Variants in ISM1 observed in about 807,000 individuals in gnomAD.
ISM1 encodes the protein isthmin 1.
ISM1 carries 25 observed loss-of-function variants against 46.3 expected under a neutral mutation model. That is an observed-to-expected ratio of 0.54 (90% CI 0.39 to 0.75). ISM1 has a LOEUF of 0.75. Ranked by LOEUF, ISM1 falls within the 30% of genes least tolerant of loss-of-function variation. The pLI, the probability that ISM1 is intolerant of heterozygous loss-of-function variation, is 0.00. For synonymous variants in ISM1, 255 were observed against 256.7 expected, an observed-to-expected ratio of 0.99 and a Z score of 0.06; for missense variants, 536 against 625.4, an observed-to-expected ratio of 0.86 and a Z score of 1.52.
chr20:13,294,763 C>T lies in ISM1; in HGVS notation c.877+2300C>T, dbSNP rs562024082. ...CCTATCCCAGCTGGCAGCACCTCGA[C>T]ACTCTTGGGTGCACCCTCTAGGTTC... On this transcript the variant is annotated intron_variant, in intron 5 of 5. Coordinates refer to ENST00000262487, the MANE Select transcript of ISM1 (RefSeq NM_080826.2). Among the ~76,000 whole-genome samples the T allele has an allele frequency of 2.6e-5, 4 of 152,340 alleles. No individual in the cohort carries two copies. In the South Asian group the frequency reaches 8.3e-4, roughly 32 times the overall value.
intron 1 of ISM1, among the ~76,000 whole-genome samples, chr20:13,255,005 G>A (rs532171420): frequency 2.0e-5 from 3 of 152,192 alleles, no homozygotes; most frequent in Admixed American, 1.3e-4. Flanking sequence ...GAACAGACAC[G>A]GTCCCTGCCT....
intron 1 of ISM1, among the ~76,000 whole-genome samples, chr20:13,222,676 C>A (rs988318516): frequency 6.6e-6 from 1 of 152,184 alleles, no homozygotes; most frequent in Non-Finnish European, 1.5e-5. Flanking sequence ...AACTTCAGGG[C>A]AAGGAGAGGG....
chr20:13,262,930 A>G (rs531120396), intron 1 of ISM1, among the ~76,000 whole-genome samples: 2 of 152,294 alleles, frequency 1.3e-5, no homozygotes, highest in Admixed American at 6.5e-5. Flanking sequence ...TTCTGCCGCC[A>G]TAACTAGGGA....
chr20:13,306,241 C>A, the ISM1 span, among the ~76,000 whole-genome samples: 1 of 152,008 alleles, frequency 6.6e-6, no homozygotes, highest in Non-Finnish European at 1.5e-5. Context: ...AAATTTCAAG[C>A]CTGACTTTTA....
At chr20:13,256,647 G>A (rs1438505117) in intron 1 of ISM1, among the ~76,000 whole-genome samples, 1 of 152,184 alleles carries the variant, frequency 6.6e-6, no homozygotes, top group Non-Finnish European at 1.5e-5. Flanking sequence ...CAATGGTGGT[G>A]TTGGTCCTTT....
At chr20:13,227,100 T>C (rs1470873097) in intron 1 of ISM1, among the ~76,000 whole-genome samples, 1 of 152,250 alleles carries the variant, frequency 6.6e-6, no homozygotes, top group Non-Finnish European at 1.5e-5. Context: ...TTGTGTCATA[T>C]TAATATTGCA....
chr20:13,321,169 T>G, the ISM1 span, among the ~76,000 whole-genome samples: 17,150 of 145,402 alleles, frequency 0.12, 1,170 homozygotes, highest in Admixed American at 0.19. Flanking sequence ...GCCACTACAC[T>G]GCAGCCTAGG....
chr20:13,268,288 TCTTCTCTTC>T, intron 1 of ISM1, among the ~76,000 whole-genome samples: 1 of 151,746 alleles, frequency 6.6e-6, no homozygotes, highest in African/African-American at 2.4e-5. Flanking sequence ...TCTCTTTCTT[TCTTCTCTTC>T]CTTCTCTTCT....
At position 13,299,415 on chromosome 20, in the gene ISM1, G is replaced by A. The variant is rs1230291954; in HGVS notation, c.1351G>A (p.Asp451Asn). ...NGQKCTESPS[D>N]EDYIKQFQEA... ...ACAGAAGTGCACAGAGAGCCCCTCG[G>A]ACGAGGACTACATCAAGCAGTTCCA... Residue 451 changes from aspartate to asparagine, a missense_variant, in exon 6 of 6, where the codon GAC (aspartate) becomes AAC (asparagine). Around this residue, in one of 2 missense-constraint regions of ISM1, gnomAD observed 169 missense variants for 249.3 expected, o/e 0.68. Coordinates refer to ENST00000262487, the MANE Select transcript of ISM1 (RefSeq NM_080826.2). This position sits in a 1 kb window ranked among gnomAD's most constrained non-coding sequence, Gnocchi z 5.8. The A allele has an allele frequency of 6.2e-7, 1 of 1,610,772 alleles. No homozygotes were observed. The highest frequency in any genetic ancestry group is 8.5e-7 in the Non-Finnish European group (1 of 1,179,750).
rs1228006514 is a variant in ISM1 at position 13,223,957 on chromosome 20, AC to A, written c.138+2044del. Among the ~76,000 whole-genome samples, 9 of 152,076 alleles carry A rather than the reference AC, an allele frequency of 5.9e-5. 1 individual carries two copies. ...CCCGGGGTTGGCCTTTTCCGCTTGA[AC>A]AGTAAGGTAATGAGAGAAGCAGCTG... On this transcript the variant is annotated intron_variant, in intron 1 of 5. Transcript: ENST00000262487.
Position 13,221,909 on chromosome 20 carries a change from C to T in ISM1, c.133C>T (p.Leu45=). 1 of 1,356,938 alleles carries T rather than the reference C, an allele frequency of 7.4e-7. No homozygotes were observed. Among genetic ancestry groups the T allele is most frequent in the Non-Finnish European group, 9.4e-7 (1 of 1,062,636 alleles). The allele number at this position is 1,356,938 out of a possible 1,614,324, so 84.1% of individuals were successfully genotyped here. A position where few individuals can be genotyped will look rare whatever the true frequency, so the allele number is the denominator to read the frequency against. The part of the protein sequence containing the change: ...AAAGNASQAQ[L]QNNLNVGSDT... Reference sequence around the variant, plus strand: ...CGCGGGCAACGCCAGCCAAGCCCAGCTGCAGGTGAGTGCGCCGCCGGAGAG... The same window carrying T: ...CGCGGGCAACGCCAGCCAAGCCCAGTTGCAGGTGAGTGCGCCGCCGGAGAG... The change falls in exon 1 of 6, where the codon CTG becomes TTG. Residue 45 remains leucine, a synonymous_variant. Coordinates refer to ENST00000262487, the MANE Select transcript of ISM1 (RefSeq NM_080826.2).
In ISM1 at chr20:13,263,169, T is replaced by C. The variant is rs764358745; in HGVS notation, c.139-7335T>C. Among the ~76,000 whole-genome samples, 5 of 152,176 alleles carry C rather than the reference T, an allele frequency of 3.3e-5. 1 individual carries two copies. Among genetic ancestry groups the C allele is most frequent in the Admixed American group, 1.3e-4 (2 of 15,274 alleles). On this transcript the variant is annotated intron_variant, in intron 1 of 5. Transcript: ENST00000262487. ...TTGCTATAAAATACGGCCATTGACA[T>C]TTGCTCTGTTCCTGCTGCCTGAAGG...
In ISM1 at chr20:13,298,980, G is replaced by A. The variant is rs543537716; in HGVS notation, c.916G>A (p.Glu306Lys). 15 of 1,613,558 alleles carry A rather than the reference G, an allele frequency of 9.3e-6. No individual in the cohort carries two copies. The highest frequency in any genetic ancestry group is 5.3e-5 in the African/African-American group (4 of 75,034). ...SCERWMSCKS[E>K]FLKKYMHKVM... ...TGAGCGCTGGATGAGCTGCAAAAGCGAGTTCTTAAAGAAGTACATGCACAA... is the reference window on the plus strand; with the variant it reads ...TGAGCGCTGGATGAGCTGCAAAAGCAAGTTCTTAAAGAAGTACATGCACAA... Residue 306 changes from glutamate to lysine, a missense_variant, in exon 6 of 6, where the codon GAG (glutamate) becomes AAG (lysine). Glu to Lys is a moderately conservative substitution (Grantham distance 56). Coordinates refer to ENST00000262487, the MANE Select transcript of ISM1 (RefSeq NM_080826.2).
rs943428430 is a variant in ISM1 at position 13,290,580 on chromosome 20, C to T, written c.788-1794C>T. Among the ~76,000 whole-genome samples, 8 of 152,122 alleles carry T rather than the reference C, an allele frequency of 5.3e-5. 1 individual carries two copies. In the East Asian group the frequency reaches 1.4e-3, roughly 26 times the overall value. ...AGGAGAATGGCAGGAACCCGGGAGG[C>T]GGAGCTTGCAGTGAGCCAAGTGAGC... is the stretch of plus-strand genomic sequence containing the variant. On this transcript the variant is annotated intron_variant, in intron 4 of 5. Transcript: ENST00000262487.
chr20:13,253,894 T>TAAAC (rs2039896488), intron 1 of ISM1, among the ~76,000 whole-genome samples: 2 of 151,726 alleles, frequency 1.3e-5, no homozygotes, highest in Non-Finnish European at 2.9e-5. Flanking sequence ...TGTGTATGTT[T>TAAAC]ATACACACAC....
At chr20:13,263,868 A>G (rs1398978033) in intron 1 of ISM1, among the ~76,000 whole-genome samples, 1 of 152,258 alleles carries the variant, frequency 6.6e-6, no homozygotes, top group African/African-American at 2.4e-5. Context: ...AGTGACATTA[A>G]TTATAATCTC....
the ISM1 span, among the ~76,000 whole-genome samples, chr20:13,321,907 C>T: frequency 6.6e-6 from 1 of 152,114 alleles, no homozygotes; most frequent in Non-Finnish European, 1.5e-5. Context: ...GCTATGTGAC[C>T]TTGAGCAAGG....
intron 2 of ISM1, among the ~76,000 whole-genome samples, chr20:13,279,113 C>T (rs534241856): frequency 4.1e-4 from 63 of 152,296 alleles, no homozygotes; most frequent in African/African-American, 1.4e-3. Flanking sequence ...CACAAAAACA[C>T]AGATGGGAGG....
At chr20:13,321,105 A>G in the ISM1 span, among the ~76,000 whole-genome samples, 1 of 151,908 alleles carries the variant, frequency 6.6e-6, no homozygotes, top group Non-Finnish European at 1.5e-5. Flanking sequence ...AGGCTGAGGC[A>G]TGAGAATCGT....
Sources: allele counts gnomAD v4.1 joint callset (sites outside exome capture counted in the v4.1 genomes callset), GRCh38; gene constraint gnomAD v4.1.1; regional missense constraint gnomAD v4.1.1; non-coding constraint Gnocchi (gnomAD v3.1); transcripts MANE v1.5; gene names NCBI Gene and HGNC (gene_info 2026-07-23, HGNC 2026-07-21).